Variants in ACVR1 observed in about 807,000 individuals in gnomAD.
ACVR1 encodes activin receptor type-1.
ACVR1 carries 38 observed loss-of-function variants against 57.1 expected under a neutral mutation model. That is an observed-to-expected ratio of 0.67 (90% confidence interval 0.51 to 0.87). The LOEUF (loss-of-function observed/expected upper bound fraction) is 0.87. Among genes scored for constraint, ACVR1 ranks in the 40% least tolerant of loss-of-function variants. The pLI is 0.00. For synonymous variants in ACVR1, 212 were observed against 228.1 expected (o/e 0.93, Z 0.63); for missense variants, 463 against 638.2 (o/e 0.73, Z 2.96).
Position 157,799,443 on chromosome 2 carries a change from G to A in ACVR1, c.51C>T (p.Pro17=), listed in dbSNP as rs1687246578. ...ILPVLIMIAL[P]SPSMEDEKPK... The stretch of plus-strand genomic sequence containing the variant: ...GTCACTTACCTTCCATACTAGGGGA[G>A]GGGAGAGCAATCATGATAAGCACAG... Residue 17 remains proline, a synonymous_variant, in exon 3 of 11, where the codon CCC becomes CCT. Coordinates refer to ENST00000434821, the MANE Select transcript of ACVR1 (RefSeq NM_001111067.4). 2 of 1,612,058 alleles carry A rather than the reference G, an allele frequency of 1.2e-6. No homozygotes were observed. The highest frequency in any genetic ancestry group is 1.7e-6 in the Non-Finnish European group (2 of 1,178,694).
At chr2:157,874,228 T>C (rs2105393151) in intron 1 of ACVR1, among the ~76,000 whole-genome samples, 1 of 152,332 alleles carries the variant, frequency 6.6e-6, no homozygotes, top group South Asian at 2.1e-4. Flanking sequence ...CCCAGTTACA[T>C]CAACTTAAGG....
intron 1 of ACVR1, among the ~76,000 whole-genome samples, chr2:157,861,918 T>C (rs1335960870): frequency 6.6e-6 from 1 of 152,184 alleles, no homozygotes; most frequent in African/African-American, 2.4e-5. Context: ...CTAAAGTAGA[T>C]ATAAAACCTG....
At chr2:157,771,951 A>T (rs1484734703) in intron 6 of ACVR1, among the ~76,000 whole-genome samples, 1 of 152,206 alleles carries the variant, frequency 6.6e-6, no homozygotes, top group East Asian at 1.9e-4. Flanking sequence ...AGAAAATGGT[A>T]TGCTAATCTT....
intron 2 of ACVR1, among the ~76,000 whole-genome samples, chr2:157,815,769 C>T (rs1459981050): frequency 1.3e-5 from 2 of 152,180 alleles, no homozygotes; most frequent in African/African-American, 4.8e-5. Context: ...AATATATTAA[C>T]AGCCTCCAAA....
intron 1 of ACVR1, among the ~76,000 whole-genome samples, chr2:157,874,599 A>C (rs1203873084): frequency 6.6e-6 from 1 of 151,756 alleles, no homozygotes; most frequent in Non-Finnish European, 1.5e-5. Context: ...TCTTAACACC[A>C]CCTTTCCAGG....
chr2:157,778,458 A>C, intron 4 of ACVR1, 116 bp from the exon 5 acceptor site: 11 of 860,494 alleles, frequency 1.3e-5, no homozygotes, highest in Non-Finnish European at 1.9e-5. Context: ...CTCACAACTC[A>C]CGAAGTATTA....
In ACVR1 at chr2:157,854,758, G is replaced by A. The variant is rs1574151157; in HGVS notation, c.-183+21038C>T. On this transcript the variant is annotated intron_variant, in intron 1 of 10. Transcript: ENST00000434821. ...AAAAAGAGTGAATCTTTTTCAGGCC[G>A]GGTGCGACCGATGGCTCACACCTGT... Among the ~76,000 whole-genome samples the A allele has an allele frequency of 4.0e-5, 6 of 150,054 alleles. No individual in the cohort carries two copies. The East Asian group carries it at 7.9e-4, about 20-fold the overall frequency.
In ACVR1 at chr2:157,736,548, C is replaced by G; in HGVS notation, c.*983G>C. The G allele has an allele frequency of 7.3e-6, 2 of 272,968 alleles. No homozygotes were observed. Among genetic ancestry groups the G allele is most frequent in the Non-Finnish European group, 6.8e-6 (1 of 147,450 alleles). The allele number at this position is 272,968 out of a possible 1,614,324, so 16.9% of individuals were successfully genotyped here. ...TTTTTTCTGGCAGAGTTTAAATGCACGTAATGGATAATTCTGAAGAAAATG... is the reference window on the plus strand; with the variant it reads ...TTTTTTCTGGCAGAGTTTAAATGCAGGTAATGGATAATTCTGAAGAAAATG... On this transcript the variant is annotated 3_prime_UTR_variant, in exon 11 of 11. Coordinates refer to ENST00000434821, the MANE Select transcript of ACVR1 (RefSeq NM_001111067.4).
intron 10 of ACVR1, 145 bp downstream of exon 10, chr2:157,738,295 T>A: frequency 1.0e-5 from 13 of 1,266,166 alleles, no homozygotes; most frequent in Non-Finnish European, 1.5e-5. Flanking sequence ...CTCTTCTAGA[T>A]CTAAACCCTT....
At chr2:157,812,934 G>A (rs1297098901) in intron 2 of ACVR1, among the ~76,000 whole-genome samples, 14 of 152,148 alleles carry the variant, frequency 9.2e-5, no homozygotes, top group Admixed American at 9.2e-4. Flanking sequence ...CTAGGGTTCA[G>A]ATCAGTGTTT....
chr2:157,864,699 G>C (rs1007782239), intron 1 of ACVR1, among the ~76,000 whole-genome samples: 6 of 152,020 alleles, frequency 3.9e-5, no homozygotes, highest in African/African-American at 1.2e-4. Context: ...AAGCTCAAAA[G>C]ATCAAATTCA....
At chr2:157,747,507 TA>T (rs1240172318) in intron 9 of ACVR1, among the ~76,000 whole-genome samples, 10 of 151,992 alleles carry the variant, frequency 6.6e-5, no homozygotes, top group Admixed American at 1.3e-4. Flanking sequence ...TAAGCAAGAT[TA>T]AAAAAAATAC....
At chr2:157,872,000 T>C (rs1434902136) in intron 1 of ACVR1, among the ~76,000 whole-genome samples, 1 of 152,196 alleles carries the variant, frequency 6.6e-6, no homozygotes, top group East Asian at 1.9e-4. Flanking sequence ...ATTCTTAAAC[T>C]TAACATGGCA....
At chr2:157,757,643 C>G (rs1685486346) in intron 9 of ACVR1, among the ~76,000 whole-genome samples, 1 of 151,814 alleles carries the variant, frequency 6.6e-6, no homozygotes, top group Non-Finnish European at 1.5e-5. Context: ...GAATACTACA[C>G]TCAACACAAA....
intron 2 of ACVR1, among the ~76,000 whole-genome samples, chr2:157,808,610 T>C (rs906282740): frequency 6.6e-6 from 1 of 152,176 alleles, no homozygotes. Context: ...CTTGGATCTC[T>C]AGTTGCAGAC....
intron 9 of ACVR1, among the ~76,000 whole-genome samples, chr2:157,743,081 T>G (rs1408173385): frequency 6.6e-6 from 1 of 152,190 alleles, no homozygotes; most frequent in Admixed American, 6.5e-5. Flanking sequence ...TTACTTGTAG[T>G]TCCATCAACA....
At chr2:157,813,346 C>G (rs1687817966) in intron 2 of ACVR1, among the ~76,000 whole-genome samples, 1 of 152,164 alleles carries the variant, frequency 6.6e-6, no homozygotes, top group South Asian at 2.1e-4. Flanking sequence ...AAAGTTGGGA[C>G]TGTTCAGTAA....
intron 9 of ACVR1, among the ~76,000 whole-genome samples, chr2:157,755,002 C>T (rs1298338657): frequency 6.6e-6 from 1 of 152,020 alleles, no homozygotes; most frequent in Non-Finnish European, 1.5e-5. Context: ...GAAATAAAAA[C>T]AAAAATCACA....
At chr2:157,869,239 T>C (rs1372474139) in intron 1 of ACVR1, among the ~76,000 whole-genome samples, 1 of 152,220 alleles carries the variant, frequency 6.6e-6, no homozygotes, top group Non-Finnish European at 1.5e-5. Context: ...TTACTCACTT[T>C]AATCTGATTT....
Sources: gnomAD v4.1 joint callset for allele counts (sites outside exome capture counted in the v4.1 genomes callset) on GRCh38, gnomAD v4.1.1 for gene constraint, MANE v1.5 for transcripts, NCBI Gene and HGNC (gene_info 2026-07-23, HGNC 2026-07-21) for gene names.